SLC25A40: variants seen among roughly 807,000 people sequenced by gnomAD.
SLC25A40 encodes the protein mitochondrial glutathione transporter SLC25A40.
In SLC25A40, 41 loss-of-function variants were observed where a neutral mutation model predicts 46.5. The ratio of observed to expected loss-of-function variants is 0.88; its 90% CI spans 0.69 to 1.14. The LOEUF (loss-of-function observed/expected upper bound fraction) is 1.14, where lower values mean the gene tolerates loss of function less well. Ranked by LOEUF, SLC25A40 falls within the 50% of genes most tolerant of loss-of-function variation. The probability of loss-of-function intolerance (pLI) is 0.00; values close to 1 mark genes in which losing one functional copy is unlikely to be tolerated. For synonymous variants in SLC25A40, 126 were observed against 127.5 expected (o/e 0.99, Z 0.08); for missense variants, 386 against 393.6 (o/e 0.98, Z 0.16).
chr7:87,842,646 A>G (rs563074981), intron 9 of SLC25A40, among the ~76,000 whole-genome samples: 1 of 152,160 alleles, frequency 6.6e-6, no homozygotes, highest in South Asian at 2.1e-4. Context: ...CCATTTTTGA[A>G]ACTCTTTCTA....
At position 87,841,695 on chromosome 7, in the gene SLC25A40, A is replaced by G. The variant is rs199759249; in HGVS notation, c.761T>C (p.Leu254Ser). 8 of 1,529,936 alleles carry G rather than the reference A, an allele frequency of 5.2e-6. No homozygotes were observed. The East Asian group carries it at 1.5e-4, about 28-fold the overall frequency. 94.8% of individuals were successfully genotyped at this position (1,529,936 alleles called of 1,614,324 possible). A position where few individuals can be genotyped will look rare whatever the true frequency, so the allele number is the denominator to read the frequency against. Residue 254 changes from leucine to serine, a missense_variant, in exon 10 of 12, where the codon TTA (leucine) becomes TCA (serine). Physicochemically the swap from Leu to Ser is moderately radical, Grantham distance 145. Coordinates refer to ENST00000341119, the MANE Select transcript of SLC25A40 (RefSeq NM_018843.4). ...LSGSFAAVAT[L>S]PFDVVKTQKQ... ...TTGTGTTTTTACTACATCAAATGGT[A>G]AAGTTGCAACAGCAGCAAACTATCA...
intron 5 of SLC25A40, among the ~76,000 whole-genome samples, chr7:87,853,849 AATT>A (rs928193071): frequency 1.2e-4 from 18 of 146,548 alleles, no homozygotes; most frequent in African/African-American, 4.9e-4. Context: ...GTGATAATGA[AATT>A]ATTATTTTAA....
intron 1 of SLC25A40, among the ~76,000 whole-genome samples, chr7:87,875,618 G>T (rs1584344691): frequency 6.8e-6 from 1 of 146,158 alleles, no homozygotes; most frequent in African/African-American, 2.5e-5. Flanking sequence ...ATTTTAATTT[G>T]ATCTTTAATC....
intron 10 of SLC25A40, 139 bp from the exon 11 acceptor site, chr7:87,836,949 CTTTAAG>C: frequency 2.3e-6 from 1 of 434,570 alleles, no homozygotes; most frequent in Non-Finnish European, 4.0e-6. Flanking sequence ...TAAAAAGCTA[CTTTAAG>C]TTTTATTTTT....
intron 9 of SLC25A40, among the ~76,000 whole-genome samples, chr7:87,843,228 A>G (rs1220031277): frequency 6.6e-6 from 1 of 152,120 alleles, no homozygotes; most frequent in East Asian, 1.9e-4. Context: ...CAGGACTTTG[A>G]TATCATTCTA....
At chr7:87,856,415 C>G (rs1838616814) in intron 3 of SLC25A40, 64 bp from the exon 4 acceptor site, 1 of 1,190,138 alleles carries the variant, frequency 8.4e-7, no homozygotes, top group African/African-American at 1.5e-5. Context: ...ATGTTTTACA[C>G]AGAACACAAA....
At position 87,854,270 on chromosome 7, in the gene SLC25A40, T is replaced by A. The variant is rs150511221; in HGVS notation, c.198A>T (p.Leu66=). The A allele has an allele frequency of 0.012, 19,989 of 1,613,136 alleles. 191 individuals are homozygous for A. The highest frequency in any genetic ancestry group is 0.026 in the Admixed American group (1,560 of 59,962). ...FVYSNGLMDH[L]CVCEEGGNKL... ...TGTTGCCTCCCTCTTCACAGACACA[T>A]AGATGATCCATGAGTCCATTACTAT... Residue 66 remains leucine (L), a synonymous_variant, in exon 5 of 12, where the codon CTA becomes CTT. Coordinates refer to ENST00000341119, the MANE Select transcript of SLC25A40 (RefSeq NM_018843.4).
intron 3 of SLC25A40, among the ~76,000 whole-genome samples, chr7:87,858,283 C>A (rs1838645136): frequency 1.3e-5 from 2 of 152,300 alleles, no homozygotes; most frequent in South Asian, 4.1e-4. Context: ...TGTGATTTTG[C>A]CCTTGTCCTG....
rs1838652131 is a variant in SLC25A40, at chr7:87,858,762, G to T, written c.-24-11C>A. ...TAATTAAATAAAAACCTGTTAAAAA[G>T]AAAACATAAAATTAGAGCACATCCT... is the stretch of plus-strand genomic sequence containing the variant. On this transcript the variant is annotated splice_polypyrimidine_tract_variant and intron_variant, in intron 2 of 11. Transcript: ENST00000341119. 1 of 1,436,594 alleles carries T rather than the reference G, an allele frequency of 7.0e-7. No homozygotes were observed. The highest frequency in any genetic ancestry group is 1.4e-5 in the African/African-American group (1 of 70,980). 89.0% of individuals were successfully genotyped at this position (1,436,594 alleles called of 1,614,324 possible).
chr7:87,852,448 A>C (rs1247571658), intron 5 of SLC25A40, among the ~76,000 whole-genome samples: 1 of 152,170 alleles, frequency 6.6e-6, no homozygotes, highest in Non-Finnish European at 1.5e-5. Flanking sequence ...ACATGCCTAT[A>C]GTCCCAGCTA....
rs145790129 is a variant in SLC25A40 at position 87,835,479 on chromosome 7, A to G, written c.*770T>C. On this transcript the variant is annotated 3_prime_UTR_variant, in exon 12 of 12. Coordinates refer to ENST00000341119, the MANE Select transcript of SLC25A40 (RefSeq NM_018843.4). ...GTGCAAACTATTTTTACCAGTCTAA[A>G]TACTATATGGTTTACCACTGAACAC... 2.0e-5 allele frequency: 3 copies of G among 151,738 alleles called. 1 individual carries two copies. The East Asian group carries it at 5.8e-4, about 29-fold the overall frequency. The allele number at this position is 151,738 out of a possible 1,614,324, so 9.4% of individuals were successfully genotyped here.
chr7:87,849,805 C>G lies in SLC25A40; in HGVS notation c.332+76G>C, dbSNP rs953258948. 4.5e-6 allele frequency: 5 copies of G among 1,101,570 alleles called. No homozygotes were observed. The African/African-American group carries it at 8.1e-5, about 18-fold the overall frequency. The allele number at this position is 1,101,570 out of a possible 1,614,324, so 68.2% of individuals were successfully genotyped here. A position where few individuals can be genotyped will look rare whatever the true frequency, so the allele number is the denominator to read the frequency against. ...GCATTCTAATATTAAAAATGCAAGA[C>G]TTTGTCCAACCATGCTGATTATAGG... On this transcript the variant is annotated intron_variant, in intron 6 of 11. Transcript: ENST00000341119.
At chr7:87,863,562 C>T (rs530984189) in intron 1 of SLC25A40, among the ~76,000 whole-genome samples, 16 of 151,196 alleles carry the variant, frequency 1.1e-4, no homozygotes, top group Admixed American at 4.0e-4. Context: ...AGTGTGAGAA[C>T]GGACTAAGAC....
chr7:87,874,645 G>A (rs1362733295), intron 1 of SLC25A40, among the ~76,000 whole-genome samples: 1 of 152,170 alleles, frequency 6.6e-6, no homozygotes, highest in Non-Finnish European at 1.5e-5. Context: ...TAGTAATTAT[G>A]GAGCTCTTAA....
chr7:87,846,633 T>G (rs1261150701), intron 8 of SLC25A40, among the ~76,000 whole-genome samples: 1 of 152,192 alleles, frequency 6.6e-6, no homozygotes, highest in Non-Finnish European at 1.5e-5. Context: ...TTACTTATCT[T>G]ACTAATTGCT....
chr7:87,873,619 G>A (rs1238488014), intron 1 of SLC25A40, among the ~76,000 whole-genome samples: 1 of 151,874 alleles, frequency 6.6e-6, no homozygotes, highest in African/African-American at 2.4e-5. Context: ...TGTTAGTACA[G>A]CCAGAGTTTC....
At chr7:87,872,681 G>A (rs896763100) in intron 1 of SLC25A40, among the ~76,000 whole-genome samples, 2 of 152,170 alleles carry the variant, frequency 1.3e-5, no homozygotes, top group African/African-American at 4.8e-5. Flanking sequence ...TTAAATGCAG[G>A]CTGGGCACAG....
chr7:87,851,176 C>T (rs1838502270), intron 5 of SLC25A40, among the ~76,000 whole-genome samples: 1 of 151,730 alleles, frequency 6.6e-6, no homozygotes, highest in African/African-American at 2.4e-5. Context: ...GTAGAAACAA[C>T]CCAAATGTCT....
At chr7:87,857,882 C>T (rs1033386887) in intron 3 of SLC25A40, among the ~76,000 whole-genome samples, 1 of 152,194 alleles carries the variant, frequency 6.6e-6, no homozygotes, top group Non-Finnish European at 1.5e-5. Flanking sequence ...TATTTTTCTT[C>T]TTGCAGATAG....
Sources: allele counts gnomAD v4.1 joint callset (sites outside exome capture counted in the v4.1 genomes callset), GRCh38; gene constraint gnomAD v4.1.1; transcripts MANE v1.5; gene names NCBI Gene and HGNC (gene_info 2026-07-23, HGNC 2026-07-21).